Variants in EHD1 observed in about 807,000 individuals in gnomAD.
EHD1 encodes the protein EH domain-containing protein 1.
A neutral mutation model predicts 39.0 loss-of-function variants in EHD1; 19 were observed. The observed-to-expected ratio is 0.49, with a 90% confidence interval of 0.34 to 0.72. The LOEUF (loss-of-function observed/expected upper bound fraction) is 0.72, where lower values mean the gene tolerates loss of function less well. Among genes scored for constraint, EHD1 ranks in the 30% least tolerant of loss-of-function variants. The pLI is 0.01. For missense variants in EHD1, 542 were observed against 751.5 expected (o/e 0.72, Z 3.26); for synonymous variants, 323 against 331.2 (o/e 0.98, Z 0.27).
Position 64,853,961 on chromosome 11 carries a change from G to A in EHD1, c.*372C>T. 1 of 281,516 alleles carries A rather than the reference G, an allele frequency of 3.6e-6. No individual in the cohort carries two copies. Among genetic ancestry groups the A allele is most frequent in the South Asian group, 4.7e-5 (1 of 21,354 alleles). The allele number at this position is 281,516 out of a possible 1,614,324, so 17.4% of individuals were successfully genotyped here. A position where few individuals can be genotyped will look rare whatever the true frequency, so the allele number is the denominator to read the frequency against. ...TCCATGCAGCCTCAGCCTAGCAGCT[G>A]CCAAAAGGGCGACCTGGCTCCCCCA... On this transcript the variant is annotated 3_prime_UTR_variant, in exon 5 of 5. Coordinates refer to ENST00000320631, the MANE Select transcript of EHD1 (RefSeq NM_006795.4).
intron 2 of EHD1, among the ~76,000 whole-genome samples, chr11:64,873,214 G>A (rs140680120): frequency 1.6e-3 from 243 of 152,336 alleles, no homozygotes; most frequent in Middle Eastern, 3.4e-3. Flanking sequence ...GAATGGGCAC[G>A]GTGCACTACT....
chr11:64,874,604 C>A, intron 1 of EHD1, 86 bp from the exon 2 acceptor site: 1 of 1,070,454 alleles, frequency 9.3e-7, no homozygotes, highest in Non-Finnish European at 1.3e-6. Context: ...TGTACTCCTT[C>A]GCTCCATCTC....
intron 3 of EHD1, 172 bp downstream of exon 3, chr11:64,859,752 G>A (rs1742513552): frequency 2.2e-6 from 2 of 914,732 alleles, no homozygotes; most frequent in Non-Finnish European, 1.6e-6. Flanking sequence ...AGAGCAGGCT[G>A]CACGCGGGTG....
At chr11:64,860,477 G>A (rs1430120587) in intron 2 of EHD1, 141 bp from the exon 3 acceptor site, 2 of 1,231,792 alleles carry the variant, frequency 1.6e-6, no homozygotes, top group Admixed American at 5.8e-5. Context: ...GCTCACGCCT[G>A]TAATCCCAAC....
chr11:64,854,073 G>A lies in EHD1; in HGVS notation c.*260C>T. On this transcript the variant is annotated 3_prime_UTR_variant, in exon 5 of 5. Coordinates refer to ENST00000320631, the MANE Select transcript of EHD1 (RefSeq NM_006795.4). The stretch of plus-strand genomic sequence containing the variant: ...GCACACAGGGCTGGCACACAGGGGA[G>A]GCGGCGACAAAGAACGCAGCCTCTA... 1.7e-6 allele frequency: 1 copy of A among 603,214 alleles called. No individual in the cohort carries two copies. The highest frequency in any genetic ancestry group is 2.8e-6 in the Non-Finnish European group (1 of 357,304). 37.4% of individuals were successfully genotyped at this position (603,214 alleles called of 1,614,324 possible).
chr11:64,875,048 G>A (rs2136501945), intron 1 of EHD1, among the ~76,000 whole-genome samples: 1 of 152,354 alleles, frequency 6.6e-6, no homozygotes, highest in East Asian at 1.9e-4. Flanking sequence ...GGTAGACGGT[G>A]GGACGGAGAA....
upstream of EHD1, chr11:64,879,654 C>T (rs748539314): frequency 2.6e-6 from 4 of 1,550,988 alleles, no homozygotes; most frequent in South Asian, 4.8e-5. Context: ...CCGCCATCCT[C>T]CCCGGCCACA....
chr11:64,857,716 C>T (rs369611070), intron 3 of EHD1, among the ~76,000 whole-genome samples: 125 of 152,316 alleles, frequency 8.2e-4, no homozygotes, highest in Middle Eastern at 3.4e-3. Flanking sequence ...CTGTGCTCAA[C>T]GCCTGCAGTC....
upstream of EHD1, chr11:64,879,286 G>A (rs547402621): frequency 1.6e-5 from 15 of 940,036 alleles, no homozygotes; most frequent in Non-Finnish European, 1.8e-5. Flanking sequence ...TCAGGCCGAC[G>A]GGGTGGGAAT....
intron 2 of EHD1, among the ~76,000 whole-genome samples, chr11:64,873,828 C>A (rs1943855822): frequency 6.6e-6 from 1 of 151,966 alleles, no homozygotes; most frequent in South Asian, 2.1e-4. Context: ...AGGCGCCCAC[C>A]AACACGCCCA....
At chr11:64,879,013 C>T, upstream of EHD1, 1 of 995,178 alleles carries the variant, frequency 1.0e-6, no homozygotes, top group South Asian at 4.4e-5. Flanking sequence ...TCCCTGACTA[C>T]GCGCCGCGCC....
intron 2 of EHD1, 100 bp downstream of exon 2, chr11:64,874,321 A>AAG: frequency 1.0e-6 from 1 of 997,502 alleles, no homozygotes; most frequent in Non-Finnish European, 1.4e-6. Context: ...AAAAAAAAAA[A>AAG]GGAGAAATCT....
Position 64,868,307 on chromosome 11 carries a change from G to T in EHD1, c.502+6114C>A, listed in dbSNP as rs1943790684. 1.3e-5 allele frequency among the ~76,000 whole-genome samples: 2 copies of T among 152,184 alleles called. No individual in the cohort carries two copies. The highest frequency in any genetic ancestry group is 1.3e-4 in the Admixed American group (2 of 15,276). ...TGCTCAGGCTGAAGCTCCTCCGGAA[G>T]GGTTTTCCAGTGGAGCACAGAGGCG... On this transcript the variant is annotated intron_variant, in intron 2 of 4. Coordinates refer to ENST00000320631, the MANE Select transcript of EHD1 (RefSeq NM_006795.4). The surrounding 1 kb of genome is among the most constrained non-coding windows in gnomAD (Gnocchi z 4.2).
rs375386516 is a variant in EHD1 at position 64,878,039 on chromosome 11, C to T, written c.404+22G>A. 41 of 1,495,188 alleles carry T rather than the reference C, an allele frequency of 2.7e-5. No individual in the cohort carries two copies. In the African/African-American group the frequency reaches 4.5e-4, roughly 16 times the overall value. The allele number at this position is 1,495,188 out of a possible 1,614,324, so 92.6% of individuals were successfully genotyped here. A position where few individuals can be genotyped will look rare whatever the true frequency, so the allele number is the denominator to read the frequency against. On this transcript the variant is annotated intron_variant, in intron 1 of 4. Transcript: ENST00000320631. ...GTGTGCCCCGGACGCGCCCCCCGCC[C>T]CCTGGAGTGATGGGTGGGTACCTGT...
chr11:64,862,395 C>T (rs149605986), intron 2 of EHD1, among the ~76,000 whole-genome samples: 105 of 152,332 alleles, frequency 6.9e-4, no homozygotes, highest in East Asian at 5.4e-3. Context: ...CATTTCCCAG[C>T]CTCCTTCAGC....
In EHD1 at chr11:64,859,234, C is replaced by T. The variant is rs1943686808; in HGVS notation, c.915+690G>A. On this transcript the variant is annotated intron_variant, in intron 3 of 4. Coordinates refer to ENST00000320631, the MANE Select transcript of EHD1 (RefSeq NM_006795.4). ...CCGGCATCCAGCACTGTGCTGAGTG[C>T]ACTTCAGGCTCAGTAAACCCCAGAG... Among the ~76,000 whole-genome samples the T allele has an allele frequency of 2.6e-5, 4 of 152,234 alleles. No homozygotes were observed. The South Asian group carries it at 8.3e-4, about 31-fold the overall frequency.
intron 3 of EHD1, chr11:64,856,449 T>A (rs924060353): frequency 6.6e-6 from 1 of 152,332 alleles, no homozygotes; most frequent in African/African-American, 2.4e-5. Flanking sequence ...TGCTTAGGCA[T>A]GTGCCTGTTC....
chr11:64,875,133 G>A (rs1260035463), intron 1 of EHD1, among the ~76,000 whole-genome samples: 5 of 152,208 alleles, frequency 3.3e-5, no homozygotes, highest in Admixed American at 6.5e-5. Flanking sequence ...GGCGACTTGC[G>A]GGCCAGGGCT....
intron 3 of EHD1, among the ~76,000 whole-genome samples, chr11:64,857,982 C>T (rs1943671335): frequency 6.6e-6 from 1 of 151,272 alleles, no homozygotes; most frequent in South Asian, 2.1e-4. Flanking sequence ...TCCCCAGCCA[C>T]GCTCCGGCCT....
Sources: allele counts gnomAD v4.1 joint callset (sites outside exome capture counted in the v4.1 genomes callset), GRCh38; gene constraint gnomAD v4.1.1; non-coding constraint Gnocchi (gnomAD v3.1); transcripts MANE v1.5; gene names NCBI Gene and HGNC (gene_info 2026-07-23, HGNC 2026-07-21).